BCL10: variants seen among roughly 807,000 people sequenced by gnomAD.
BCL10 encodes the protein B-cell lymphoma/leukemia 10.
BCL10 carries 5 observed loss-of-function variants against 19.2 expected under a neutral mutation model. The observed-to-expected ratio is 0.26, with a 90% CI of 0.14 to 0.55. The LOEUF (loss-of-function observed/expected upper bound fraction) is 0.55. Among genes scored for constraint, BCL10 ranks in the 20% least tolerant of loss-of-function variants. The probability of loss-of-function intolerance (pLI) is 0.94; values close to 1 mark genes in which losing one functional copy is unlikely to be tolerated. For synonymous variants in BCL10, 110 were observed against 98.8 expected, an observed-to-expected ratio of 1.11 and a Z score of -0.67; for missense variants, 201 against 271.9, an observed-to-expected ratio of 0.74 and a Z score of 1.83.
rs1286453996 is a variant in BCL10, at chr1:85,266,857, C to T, written c.*770G>A. The T allele has an allele frequency of 5.4e-5, 7 of 129,516 alleles. No individual in the cohort carries two copies. Among genetic ancestry groups the T allele is most frequent in the Admixed American group, 1.3e-4 (1 of 7,762 alleles). 8.0% of individuals were successfully genotyped at this position (129,516 alleles called of 1,614,324 possible). On this transcript the variant is annotated 3_prime_UTR_variant, in exon 3 of 3. Coordinates refer to ENST00000648566, the MANE Select transcript of BCL10 (RefSeq NM_003921.5). ...ATGCGCCACTGCACTCCAGCCTGGG[C>T]GATAGAGCAAGACTGTCTCAAAAAA...
At chr1:85,271,435 T>G (rs1660368552) in intron 1 of BCL10, among the ~76,000 whole-genome samples, 1 of 152,126 alleles carries the variant, frequency 6.6e-6, no homozygotes. Context: ...CTGGAAAGAC[T>G]ACACTCTAAC....
Position 85,267,576 on chromosome 1 carries a change from AT to A in BCL10, c.*50del, listed in dbSNP as rs746540074. 1.4e-6 allele frequency: 2 copies of A among 1,429,890 alleles called. No homozygotes were observed. Among genetic ancestry groups the A allele is most frequent in the African/African-American group, 1.4e-5 (1 of 69,884 alleles). The allele number at this position is 1,429,890 out of a possible 1,614,324, so 88.6% of individuals were successfully genotyped here. A position where few individuals can be genotyped will look rare whatever the true frequency, so the allele number is the denominator to read the frequency against. On this transcript the variant is annotated 3_prime_UTR_variant, in exon 3 of 3. Coordinates refer to ENST00000648566, the MANE Select transcript of BCL10 (RefSeq NM_003921.5). ...TTACAGCCATTTTATAAAAAGTCAT[AT>A]TCTTTAAAACATTTTTTGTCATCAT... is the stretch of plus-strand genomic sequence containing the variant.
chr1:85,271,063 G>C (rs1049640080), intron 1 of BCL10, among the ~76,000 whole-genome samples, 157 bp from the exon 2 acceptor site: 43 of 152,190 alleles, frequency 2.8e-4, no homozygotes, highest in African/African-American at 8.7e-4. Flanking sequence ...GAAAGTCCAA[G>C]TAGACACAAG....
chr1:85,271,103 T>A (rs544053183), intron 1 of BCL10, among the ~76,000 whole-genome samples, 197 bp from the exon 2 acceptor site: 1 of 152,260 alleles, frequency 6.6e-6, no homozygotes, highest in East Asian at 1.9e-4. Context: ...ACTGCTTTGA[T>A]CTCACCTTCA....
rs1263945275 is a variant in BCL10, at chr1:85,267,465, G to A, written c.*162C>T. 1 of 595,442 alleles carries A rather than the reference G, an allele frequency of 1.7e-6. No individual in the cohort carries two copies. The highest frequency in any genetic ancestry group is 2.8e-6 in the Non-Finnish European group (1 of 354,958). 36.9% of individuals were successfully genotyped at this position (595,442 alleles called of 1,614,324 possible). On this transcript the variant is annotated 3_prime_UTR_variant, in exon 3 of 3. Transcript: ENST00000648566. ...TGATTTACAGTTAGCTATCCTAGAA[G>A]TATGCTTTTTTAATTCTAAAAATCC...
rs771294921 is a variant in BCL10 at position 85,276,371 on chromosome 1, C to A, written c.-19G>T. On this transcript the variant is annotated 5_prime_UTR_variant, in exon 1 of 3. Transcript: ENST00000648566. ...GCTCCATGGTGGAGGCGGGAGATGG[C>A]GCTTCTTCCGGGTCCGGGAGCTCGG... 9.3e-6 allele frequency: 15 copies of A among 1,613,596 alleles called. No homozygotes were observed. The highest frequency in any genetic ancestry group is 1.2e-5 in the Non-Finnish European group (14 of 1,179,700).
Position 85,276,564 on chromosome 1 carries a change from A to T in BCL10, c.-212T>A. The T allele has an allele frequency of 1.7e-6, 1 of 599,744 alleles. No individual in the cohort carries two copies. 37.2% of individuals were successfully genotyped at this position (599,744 alleles called of 1,614,324 possible). A position where few individuals can be genotyped will look rare whatever the true frequency, so the allele number is the denominator to read the frequency against. ...CGCCTCTGAGGTCGACGGCGACGCGAATCTACGCGACGCGACGCGGAGCTC... is the reference window on the plus strand; with the variant it reads ...CGCCTCTGAGGTCGACGGCGACGCGTATCTACGCGACGCGACGCGGAGCTC... On this transcript the variant is annotated 5_prime_UTR_variant, in exon 1 of 3. Transcript: ENST00000648566.
rs1178632442 is a variant in BCL10 at position 85,276,592 on chromosome 1, A to C, written c.-240T>G. Reference sequence around the variant, plus strand: ...CTACGCGACGCGACGCGGAGCTCGGAGCAGCGTTCCTTCCCTCTCGTAGAG... The same window carrying C: ...CTACGCGACGCGACGCGGAGCTCGGCGCAGCGTTCCTTCCCTCTCGTAGAG... On this transcript the variant is annotated 5_prime_UTR_variant, in exon 1 of 3. Coordinates refer to ENST00000648566, the MANE Select transcript of BCL10 (RefSeq NM_003921.5). 4 of 590,382 alleles carry C rather than the reference A, an allele frequency of 6.8e-6. No individual in the cohort carries two copies. Among genetic ancestry groups the C allele is most frequent in the Non-Finnish European group, 1.2e-5 (4 of 331,708 alleles). 36.6% of individuals were successfully genotyped at this position (590,382 alleles called of 1,614,324 possible).
chr1:85,274,134 C>T (rs752373520), intron 1 of BCL10, among the ~76,000 whole-genome samples: 9 of 152,192 alleles, frequency 5.9e-5, no homozygotes, highest in Non-Finnish European at 1.3e-4. Flanking sequence ...TCGATTTCCC[C>T]TATTATTGTC....
rs1660534582 is a variant in BCL10, at chr1:85,276,410, G to A, written c.-58C>T. The A allele has an allele frequency of 6.3e-7, 1 of 1,587,828 alleles. No homozygotes were observed. The highest frequency in any genetic ancestry group is 2.2e-5 in the East Asian group (1 of 44,706). ...CCGGGAGCTCGGGCTGCGCCGCCCC[G>A]CCCTGGCTGGGGGCTTCGGCCTCCG... On this transcript the variant is annotated 5_prime_UTR_variant, in exon 1 of 3. Transcript: ENST00000648566.
chr1:85,270,172 T>C (rs553050508), intron 2 of BCL10, among the ~76,000 whole-genome samples: 1 of 152,394 alleles, frequency 6.6e-6, no homozygotes, highest in African/African-American at 2.4e-5. Flanking sequence ...TTGAGAGATA[T>C]TCCACTTTTT....
At chr1:85,276,088 A>G (rs1225072217) in intron 1 of BCL10, among the ~76,000 whole-genome samples, 1 of 152,240 alleles carries the variant, frequency 6.6e-6, no homozygotes, top group African/African-American at 2.4e-5. Context: ...GCGTTTAGCG[A>G]TGTAAAACCT....
At chr1:85,274,140 T>C (rs1660443748) in intron 1 of BCL10, among the ~76,000 whole-genome samples, 1 of 152,216 alleles carries the variant, frequency 6.6e-6, no homozygotes, top group African/African-American at 2.4e-5. Context: ...TCCCCTATTA[T>C]TGTCTTGGCA....
Position 85,267,979 on chromosome 1 carries a change from A to G in BCL10, c.350T>C (p.Leu117Pro), listed in dbSNP as rs753115014. The G allele has an allele frequency of 1.3e-6, 2 of 1,534,856 alleles. No homozygotes were observed. Among genetic ancestry groups the G allele is most frequent in the African/African-American group, 1.4e-5 (1 of 72,114 alleles). Residue 117 changes from leucine (L) to proline (P), a missense_variant, in exon 3 of 3, where the codon CTA becomes CCA. Coordinates refer to ENST00000648566, the MANE Select transcript of BCL10 (RefSeq NM_003921.5). ...RNIKLEHLKG[L>P]KCSSCEPFPD... The stretch of plus-strand genomic sequence containing the variant: ...AAAAGGTTCACAACTGCTACATTTT[A>G]GTCCTACAATAAAATTATTCAGATG...
At chr1:85,271,521 TAAAG>T (rs1451137313) in intron 1 of BCL10, among the ~76,000 whole-genome samples, 5 of 151,580 alleles carry the variant, frequency 3.3e-5, no homozygotes, top group Admixed American at 6.6e-5. Context: ...ATGAAAGAAA[TAAAG>T]AAAAAGGACA....
In BCL10 at chr1:85,266,876, C is replaced by CA. The variant is rs71650007; in HGVS notation, c.*750dup. On this transcript the variant is annotated 3_prime_UTR_variant, in exon 3 of 3. Coordinates refer to ENST00000648566, the MANE Select transcript of BCL10 (RefSeq NM_003921.5). ...CCTGGGCGATAGAGCAAGACTGTCT[C>CA]AAAAAAAAAAAAAAAAAAAAAAGAA... 0.16 allele frequency: 14,083 copies of CA among 88,378 alleles called. 907 individuals are homozygous for CA. The highest frequency in any genetic ancestry group is 0.18 in the Non-Finnish European group (8,609 of 47,720). The allele number at this position is 88,378 out of a possible 1,614,324, so 5.5% of individuals were successfully genotyped here. A position where few individuals can be genotyped will look rare whatever the true frequency, so the allele number is the denominator to read the frequency against.
Position 85,270,787 on chromosome 1 carries a change from T to C in BCL10, c.177A>G (p.Thr59=), listed in dbSNP as rs762470627. 3.1e-6 allele frequency: 5 copies of C among 1,614,058 alleles called. No individual in the cohort carries two copies. Among genetic ancestry groups the C allele is most frequent in the Non-Finnish European group, 4.2e-6 (5 of 1,180,038 alleles). The change falls in exon 2 of 3, where the codon ACA becomes ACG. Residue 59 remains threonine, a synonymous_variant. Coordinates refer to ENST00000648566, the MANE Select transcript of BCL10 (RefSeq NM_003921.5). ...REDTEEISCR[T]SSRKRAGKLL... is the part of the protein sequence containing the mutation. ...ATTTTCCAGCCCTTTTTCTACTTGA[T>C]GTTCGACAAGAAATTTCTTCAGTGT...
At position 85,272,403 on chromosome 1, in the gene BCL10, A is replaced by ATT. The variant is rs952747276; in HGVS notation, c.58-1499_58-1498dup. 2.1e-3 allele frequency among the ~76,000 whole-genome samples: 274 copies of ATT among 133,468 alleles called. 2 individuals carry two copies. The highest frequency in any genetic ancestry group is 0.011 in the East Asian group (49 of 4,570). 87.6% of individuals were successfully genotyped at this position (133,468 alleles called of 152,430 possible). ...AGCCACCATGCCCGGCTAATTTTTA[A>ATT]TTTTTTTTTTTTTTTTTTGTAGAGA... On this transcript the variant is annotated intron_variant, in intron 1 of 2. Coordinates refer to ENST00000648566, the MANE Select transcript of BCL10 (RefSeq NM_003921.5).
At chr1:85,271,767 T>C (rs1660375673) in intron 1 of BCL10, among the ~76,000 whole-genome samples, 1 of 152,240 alleles carries the variant, frequency 6.6e-6, no homozygotes, top group Non-Finnish European at 1.5e-5. Flanking sequence ...AAGCGCTTGG[T>C]ACATAGTAAG....
Sources: gnomAD v4.1 joint callset for allele counts (sites outside exome capture counted in the v4.1 genomes callset) on GRCh38, gnomAD v4.1.1 for gene constraint, MANE v1.5 for transcripts, NCBI Gene and HGNC (gene_info 2026-07-23, HGNC 2026-07-21) for gene names.